The following BCAS3 variants were observed in gnomAD, a reference collection of about 807,000 sequenced individuals.
BCAS3 encodes BCAS4/BCAS3 fusion.
In BCAS3, 53 loss-of-function variants were observed where a neutral mutation model predicts 116.1. That is an observed-to-expected ratio of 0.46 (90% CI 0.37 to 0.57). The LOEUF (loss-of-function observed/expected upper bound fraction) is 0.57. Among genes scored for constraint, BCAS3 ranks in the 20% least tolerant of loss-of-function variants. BCAS3 has a pLI of 0.00. For synonymous variants in BCAS3, 391 were observed against 408.2 expected, an observed-to-expected ratio of 0.96 and a Z score of 0.51; for missense variants, 917 against 1,165.4, an observed-to-expected ratio of 0.79 and a Z score of 3.10.
At chr17:60,986,474 C>A (rs2063149847) in intron 14 of BCAS3, among the ~76,000 whole-genome samples, 1 of 152,152 alleles carries the variant, frequency 6.6e-6, no homozygotes, top group Non-Finnish European at 1.5e-5. Flanking sequence ...TATGAGGGTT[C>A]CCTTTTCTCC....
rs549630814 is a variant in BCAS3 at position 61,307,473 on chromosome 17, T to C, written c.2426-60854T>C. Among the ~76,000 whole-genome samples the C allele has an allele frequency of 1.3e-5, 2 of 152,362 alleles. No homozygotes were observed. Among genetic ancestry groups the C allele is most frequent in the East Asian group, 1.9e-4 (1 of 5,190 alleles). On this transcript the variant is annotated intron_variant, in intron 22 of 23. Transcript: ENST00000407086. The surrounding 1 kb of genome is among the most constrained non-coding windows in gnomAD (Gnocchi z 4.7). ...AGTTACAACGATAATAAATGTTGAA[T>C]TAACTTTCACTAGCTTTTAACCAAC...
intron 6 of BCAS3, among the ~76,000 whole-genome samples, chr17:60,806,214 G>A (rs1288901106): frequency 3.9e-5 from 6 of 151,988 alleles, no homozygotes; most frequent in Non-Finnish European, 8.8e-5. Context: ...AACAAAGAAT[G>A]ACATTTATGG....
intron 19 of BCAS3, among the ~76,000 whole-genome samples, chr17:61,067,242 T>C (rs568905543): frequency 4.9e-4 from 69 of 139,974 alleles, no homozygotes; most frequent in Admixed American, 9.3e-4. Flanking sequence ...CATTAATCTT[T>C]CATTTCATAA....
chr17:60,701,072 C>A (rs754935785), intron 4 of BCAS3, among the ~76,000 whole-genome samples: 1 of 151,626 alleles, frequency 6.6e-6, no homozygotes, highest in Non-Finnish European at 1.5e-5. Flanking sequence ...GGCAAGACCC[C>A]GCCTCTACTA....
chr17:61,264,495 G>A (rs777166390), intron 22 of BCAS3, among the ~76,000 whole-genome samples: 5 of 150,560 alleles, frequency 3.3e-5, no homozygotes, highest in Non-Finnish European at 5.9e-5. Context: ...TGCAACCTCT[G>A]CCTCCTGGTG....
In BCAS3 at chr17:61,307,032, C is replaced by T. The variant is rs1658874004; in HGVS notation, c.2426-61295C>T. On this transcript the variant is annotated intron_variant, in intron 22 of 23. Coordinates refer to ENST00000407086, the MANE Select transcript of BCAS3 (RefSeq NM_017679.5). This position sits in a 1 kb window ranked among gnomAD's most constrained non-coding sequence, Gnocchi z 4.7. ...CATCAGGGCTCTGGGCCTTTGCCCC[C>T]AGCTTCTGTGATTCTCTCAAAGGTC... Among the ~76,000 whole-genome samples the T allele has an allele frequency of 3.3e-5, 5 of 152,232 alleles. No individual in the cohort carries two copies. The South Asian group carries it at 1.0e-3, about 32-fold the overall frequency.
rs944881556 is a variant in BCAS3, at chr17:61,008,710, T to G, written c.1487-7041T>G. On this transcript the variant is annotated intron_variant, in intron 15 of 23. Coordinates refer to ENST00000407086, the MANE Select transcript of BCAS3 (RefSeq NM_017679.5). This position sits in a 1 kb window ranked among gnomAD's most constrained non-coding sequence, Gnocchi z 4.6. ...TACCAAAAAATAAAAAATAAAAAAA[T>G]AAAAAAAAAGGCCCCGTAGAACTCA... Among the ~76,000 whole-genome samples, 2 of 149,810 alleles carry G rather than the reference T, an allele frequency of 1.3e-5. No homozygotes were observed. The highest frequency in any genetic ancestry group is 6.7e-5 in the Admixed American group (1 of 15,028).
In BCAS3 at chr17:61,067,273, GTATATATATATATATATATATATATATA is replaced by G. The variant is rs1199603635; in HGVS notation, c.2030-7631_2030-7604del. On this transcript the variant is annotated intron_variant, in intron 19 of 23. Transcript: ENST00000407086. The stretch of plus-strand genomic sequence containing the variant: ...CATAACTTTATTTATGTGTGTATGT[GTATATATATATATATATATATATATATA>G]TATATATATATATATTTATACAGAC... 2.7e-4 allele frequency among the ~76,000 whole-genome samples: 16 copies of G among 58,798 alleles called. 1 individual carries two copies. Among genetic ancestry groups the G allele is most frequent in the East Asian group, 1.0e-3 (2 of 1,952 alleles). The allele number at this position is 58,798 out of a possible 152,430, so 38.6% of individuals were successfully genotyped here.
rs1484357432 is a variant in BCAS3 at position 60,808,040 on chromosome 17, C to T, written c.440C>T (p.Pro147Leu). ...QKCDNFAEKRPLLGVCKSIGS... is the reference protein window; with the variant it reads ...QKCDNFAEKRLLLGVCKSIGS... ...TGTGATAACTTTGCTGAAAAAAGAC[C>T]CCTCCTTGGTGTTTGTAAGAGCATT... Residue 147 changes from proline (P) to leucine (L), a missense_variant, in exon 7 of 24, where the codon CCC (proline) becomes CTC (leucine). Pro to Leu is a moderately conservative substitution (Grantham distance 98). Coordinates refer to ENST00000407086, the MANE Select transcript of BCAS3 (RefSeq NM_017679.5). 1 of 1,608,886 alleles carries T rather than the reference C, an allele frequency of 6.2e-7. No individual in the cohort carries two copies. The highest frequency in any genetic ancestry group is 1.7e-5 in the Admixed American group (1 of 59,532).
chr17:61,138,056 C>G (rs2076737489), intron 22 of BCAS3, among the ~76,000 whole-genome samples: 1 of 152,116 alleles, frequency 6.6e-6, no homozygotes, highest in Non-Finnish European at 1.5e-5. Flanking sequence ...AACCTAGGAC[C>G]TGTGAGGCTG....
chr17:60,792,253 A>C (rs1207884483), intron 6 of BCAS3, among the ~76,000 whole-genome samples: 2 of 152,226 alleles, frequency 1.3e-5, no homozygotes, highest in African/African-American at 4.8e-5. Flanking sequence ...GGTGGAAGCC[A>C]GGAACAGGCA....
Position 60,995,481 on chromosome 17 carries a change from A to G in BCAS3, c.1486+5246A>G, listed in dbSNP as rs2063780159. Among the ~76,000 whole-genome samples, 1 of 151,066 alleles carries G rather than the reference A, an allele frequency of 6.6e-6. No homozygotes were observed. Among genetic ancestry groups the G allele is most frequent in the Non-Finnish European group, 1.5e-5 (1 of 67,748 alleles). On this transcript the variant is annotated intron_variant, in intron 15 of 23. Transcript: ENST00000407086. The surrounding 1 kb of genome is among the most constrained non-coding windows in gnomAD (Gnocchi z 4.7). ...CCAGCCGAATTTTTGTATTTTAAGT[A>G]GAGACTGGGTTTCACAATGTTGGCC...
In BCAS3 at chr17:61,265,398, C is replaced by T. The variant is rs148118790; in HGVS notation, c.2426-102929C>T. The stretch of plus-strand genomic sequence containing the variant: ...CAGCCTGGGTAACAAGAGTGAAACT[C>T]TGTCTCAAGAAAAAAAAAAAAAGAA... On this transcript the variant is annotated intron_variant, in intron 22 of 23. Coordinates refer to ENST00000407086, the MANE Select transcript of BCAS3 (RefSeq NM_017679.5). The surrounding 1 kb of genome is among the most constrained non-coding windows in gnomAD (Gnocchi z 4.3). Among the ~76,000 whole-genome samples the T allele has an allele frequency of 7.8e-3, 1,174 of 150,238 alleles. 16 individuals carry two copies. The highest frequency in any genetic ancestry group is 0.027 in the African/African-American group (1,089 of 40,790).
chr17:60,833,511 A>G (rs2051115952), intron 7 of BCAS3, among the ~76,000 whole-genome samples: 1 of 152,228 alleles, frequency 6.6e-6, no homozygotes. Flanking sequence ...CTGTGGTTAC[A>G]GATTGCTTCA....
Position 61,104,277 on chromosome 17 carries a change from C to T in BCAS3, c.2425+19713C>T, listed in dbSNP as rs778165000. Among the ~76,000 whole-genome samples the T allele has an allele frequency of 6.6e-6, 1 of 152,118 alleles. No individual in the cohort carries two copies. Among genetic ancestry groups the T allele is most frequent in the South Asian group, 2.1e-4 (1 of 4,826 alleles). On this transcript the variant is annotated intron_variant, in intron 22 of 23. Coordinates refer to ENST00000407086, the MANE Select transcript of BCAS3 (RefSeq NM_017679.5). The surrounding 1 kb of genome is among the most constrained non-coding windows in gnomAD (Gnocchi z 4.1). ...AGTTTTATTCCAGTCTTTTAGGAGG[C>T]GAGACCTTGACCAAGGAGTAGCTAA... is the stretch of plus-strand genomic sequence containing the variant.
intron 19 of BCAS3, among the ~76,000 whole-genome samples, chr17:61,044,465 A>AAAAAAAAATATATATATAT: frequency 1.3e-4 from 16 of 120,092 alleles, no homozygotes; most frequent in African/African-American, 7.5e-4. Flanking sequence ...AAAAAAAAAA[A>AAAAAAAAATATATATATAT]ATATATATAT....
Position 61,366,797 on chromosome 17 carries a change from G to A in BCAS3, c.2426-1530G>A, listed in dbSNP as rs565128198. On this transcript the variant is annotated intron_variant, in intron 22 of 23. Coordinates refer to ENST00000407086, the MANE Select transcript of BCAS3 (RefSeq NM_017679.5). The surrounding 1 kb of genome is among the most constrained non-coding windows in gnomAD (Gnocchi z 4.5). ...TGCCAGGAATCTTCCCTACAATTAG[G>A]TACGAGATAAATCAAAGCCAAACTT... 3.9e-5 allele frequency among the ~76,000 whole-genome samples: 6 copies of A among 152,162 alleles called. No homozygotes were observed. The highest frequency in any genetic ancestry group is 1.2e-4 in the African/African-American group (5 of 41,430).
In BCAS3 at chr17:61,222,835, T is replaced by C. The variant is rs2082182043; in HGVS notation, c.2425+138271T>C. Among the ~76,000 whole-genome samples, 1 of 152,178 alleles carries C rather than the reference T, an allele frequency of 6.6e-6. No individual in the cohort carries two copies. Among genetic ancestry groups the C allele is most frequent in the African/African-American group, 2.4e-5 (1 of 41,470 alleles). ...CTCAGTCAGCTGCCTTGAATGAAAT[T>C]ATCTGCTGCTGCTCTGGGCTTGTGA... On this transcript the variant is annotated intron_variant, in intron 22 of 23. Coordinates refer to ENST00000407086, the MANE Select transcript of BCAS3 (RefSeq NM_017679.5). The surrounding 1 kb of genome is among the most constrained non-coding windows in gnomAD (Gnocchi z 6.1).
rs1169016034 is a variant in BCAS3, at chr17:61,233,860, G to A, written c.2426-134467G>A. ...CAGGGAGAATCTCTCTCTGGCTTCAGTTCTGGCCCCTGAGGCTCTTTCCTG... is the reference window on the plus strand; with the variant it reads ...CAGGGAGAATCTCTCTCTGGCTTCAATTCTGGCCCCTGAGGCTCTTTCCTG... On this transcript the variant is annotated intron_variant, in intron 22 of 23. Coordinates refer to ENST00000407086, the MANE Select transcript of BCAS3 (RefSeq NM_017679.5). This position sits in a 1 kb window ranked among gnomAD's most constrained non-coding sequence, Gnocchi z 4.3. Among the ~76,000 whole-genome samples the A allele has an allele frequency of 2.0e-5, 3 of 152,166 alleles. No individual in the cohort carries two copies. Among genetic ancestry groups the A allele is most frequent in the South Asian group, 4.1e-4 (2 of 4,828 alleles).
Sources: allele counts gnomAD v4.1 joint callset (sites outside exome capture counted in the v4.1 genomes callset), GRCh38; gene constraint gnomAD v4.1.1; non-coding constraint Gnocchi (gnomAD v3.1); transcripts MANE v1.5; gene names NCBI Gene and HGNC (gene_info 2026-07-23, HGNC 2026-07-21).